The following TMEM178A variants were observed in gnomAD, a reference collection of about 807,000 sequenced individuals.
TMEM178A encodes transmembrane protein 178A.
A neutral mutation model predicts 29.1 loss-of-function variants in TMEM178A; 12 were observed. The observed-to-expected ratio is 0.41, with a 90% CI of 0.26 to 0.67. TMEM178A has a LOEUF of 0.67. Among genes scored for constraint, TMEM178A ranks in the 30% least tolerant of loss-of-function variants. The pLI is 0.29. For missense variants in TMEM178A, 366 were observed against 419.1 expected, an observed-to-expected ratio of 0.87 and a Z score of 1.11; for synonymous variants, 210 against 187.2, an observed-to-expected ratio of 1.12 and a Z score of -0.99.
At chr2:39,675,269 C>G (rs1468363491) in intron 1 of TMEM178A, among the ~76,000 whole-genome samples, 2 of 152,008 alleles carry the variant, frequency 1.3e-5, no homozygotes, top group South Asian at 4.2e-4. Context: ...AGTGCTCAGT[C>G]CCCCAAAGTC....
the TMEM178A span, among the ~76,000 whole-genome samples, chr2:39,724,652 T>A: frequency 2.0e-5 from 3 of 152,168 alleles, no homozygotes; most frequent in African/African-American, 7.2e-5. Context: ...TGCAGTGACT[T>A]AGAAAACACC....
At chr2:39,701,110 G>A (rs1671762643) in intron 1 of TMEM178A, among the ~76,000 whole-genome samples, 1 of 151,922 alleles carries the variant, frequency 6.6e-6, no homozygotes, top group Non-Finnish European at 1.5e-5. Flanking sequence ...CATTTATACT[G>A]TCTTTTACAG....
intron 1 of TMEM178A, chr2:39,687,159 G>A (rs1220498877): frequency 6.3e-6 from 1 of 158,896 alleles, no homozygotes; most frequent in Non-Finnish European, 1.5e-5. Flanking sequence ...TAAACAGAAA[G>A]AGGATCATAC....
chr2:39,723,500 C>A, the TMEM178A span, among the ~76,000 whole-genome samples: 1 of 152,160 alleles, frequency 6.6e-6, no homozygotes, highest in African/African-American at 2.4e-5. Context: ...ACTTTTAGGT[C>A]TCCTTCATTC....
At chr2:39,691,423 C>G (rs149838116) in intron 1 of TMEM178A, among the ~76,000 whole-genome samples, 5 of 152,238 alleles carry the variant, frequency 3.3e-5, no homozygotes, top group Non-Finnish European at 5.9e-5. Context: ...TTAAAAAACA[C>G]CTGGCAACTA....
chr2:39,729,464 T>C, the TMEM178A span, among the ~76,000 whole-genome samples: 8,446 of 152,266 alleles, frequency 0.055, 795 homozygotes, highest in African/African-American at 0.19. Context: ...ACTCAAACAT[T>C]GGAAAATACG....
intron 3 of TMEM178A, among the ~76,000 whole-genome samples, chr2:39,711,274 T>C (rs1221715998): frequency 6.6e-6 from 1 of 152,270 alleles, no homozygotes; most frequent in African/African-American, 2.4e-5. Flanking sequence ...TGATGCATTC[T>C]ATTAGATGGG....
intron 1 of TMEM178A, among the ~76,000 whole-genome samples, chr2:39,675,013 T>C (rs1245352195): frequency 1.3e-5 from 2 of 152,226 alleles, no homozygotes; most frequent in Admixed American, 1.3e-4. Context: ...CTGTCAATTA[T>C]CCACAAAACC....
At chr2:39,665,694 A>C (rs891075920), upstream of TMEM178A, 7 of 219,204 alleles carry the variant, frequency 3.2e-5, no homozygotes, top group Non-Finnish European at 2.4e-5. Flanking sequence ...GGGCGAGGAG[A>C]GGGGGCTGGG....
the TMEM178A span, among the ~76,000 whole-genome samples, chr2:39,732,491 C>T: frequency 6.6e-6 from 1 of 152,148 alleles, no homozygotes; most frequent in African/African-American, 2.4e-5. Flanking sequence ...CGACTTTTGG[C>T]TTGGCGTGTC....
intron 3 of TMEM178A, among the ~76,000 whole-genome samples, chr2:39,711,014 C>G (rs1019909207): frequency 2.0e-5 from 3 of 152,262 alleles, no homozygotes; most frequent in Non-Finnish European, 4.4e-5. Context: ...GGTCTCACCC[C>G]TCTTCCTCTT....
At chr2:39,695,521 C>T (rs556152198) in intron 1 of TMEM178A, among the ~76,000 whole-genome samples, 18 of 151,192 alleles carry the variant, frequency 1.2e-4, no homozygotes, top group African/African-American at 3.2e-4. Flanking sequence ...GTAGGCTTTT[C>T]GAAGGCAGTG....
At chr2:39,696,356 T>C (rs1364317870) in intron 1 of TMEM178A, among the ~76,000 whole-genome samples, 2 of 152,170 alleles carry the variant, frequency 1.3e-5, no homozygotes, top group African/African-American at 4.8e-5. Flanking sequence ...AGACTCCTGG[T>C]GTGTGGCAGT....
rs116134447 is a variant in TMEM178A at position 39,711,373 on chromosome 2, T to C, written c.652+4187T>C. ...TTTAAAACACTTTTTAAGGTCTCTGTTGTAGGATTTTTAGTATTTTTTAAT... is the reference window on the plus strand; with the variant it reads ...TTTAAAACACTTTTTAAGGTCTCTGCTGTAGGATTTTTAGTATTTTTTAAT... On this transcript the variant is annotated intron_variant, in intron 3 of 3. Transcript: ENST00000281961. 2.7e-3 allele frequency among the ~76,000 whole-genome samples: 412 copies of C among 152,340 alleles called. 1 individual carries two copies. Among genetic ancestry groups the C allele is most frequent in the African/African-American group, 9.4e-3 (390 of 41,572 alleles).
chr2:39,692,381 G>A (rs1363831083), intron 1 of TMEM178A, among the ~76,000 whole-genome samples: 1 of 152,190 alleles, frequency 6.6e-6, no homozygotes, highest in Admixed American at 6.5e-5. Flanking sequence ...TAATTAGCTT[G>A]ATTGTGGTGA....
chr2:39,703,834 T>G (rs1671902827), intron 1 of TMEM178A, among the ~76,000 whole-genome samples: 1 of 152,214 alleles, frequency 6.6e-6, no homozygotes, highest in South Asian at 2.1e-4. Context: ...GTTTTGTGTT[T>G]AGGTAAAACA....
chr2:39,701,486 T>G (rs1671780042), intron 1 of TMEM178A, among the ~76,000 whole-genome samples: 1 of 152,158 alleles, frequency 6.6e-6, no homozygotes, highest in Admixed American at 6.5e-5. Context: ...TTCTCTGTCT[T>G]TGGCTTTCAA....
At chr2:39,671,296 C>T (rs2148053559) in intron 1 of TMEM178A, among the ~76,000 whole-genome samples, 1 of 152,310 alleles carries the variant, frequency 6.6e-6, no homozygotes, top group South Asian at 2.1e-4. Context: ...TGCACAGGAC[C>T]CACCAAGTTC....
the TMEM178A span, among the ~76,000 whole-genome samples, chr2:39,732,130 G>A: frequency 1.3e-5 from 2 of 152,158 alleles, no homozygotes; most frequent in African/African-American, 4.8e-5. Context: ...TCCAGGAAAA[G>A]TGTATAATGT....
Sources: allele counts gnomAD v4.1 joint callset (sites outside exome capture counted in the v4.1 genomes callset), GRCh38; gene constraint gnomAD v4.1.1; transcripts MANE v1.5; gene names NCBI Gene and HGNC (gene_info 2026-07-23, HGNC 2026-07-21).